ANO10: variants seen among roughly 807,000 people sequenced by gnomAD.
ANO10 encodes the protein anoctamin-10.
ANO10 carries 77 observed loss-of-function variants against 74.7 expected under a neutral mutation model. The ratio of observed to expected loss-of-function variants is 1.03; its 90% CI spans 0.86 to 1.25. The LOEUF (loss-of-function observed/expected upper bound fraction) is 1.25. ANO10 is among the 50% of genes most tolerant of loss of function. ANO10 has a pLI of 0.00. For synonymous variants in ANO10, 279 were observed against 284.9 expected (o/e 0.98, Z 0.21); for missense variants, 721 against 778.1 (o/e 0.93, Z 0.87).
intron 12 of ANO10, among the ~76,000 whole-genome samples, chr3:43,416,282 C>G (rs997153190): frequency 1.4e-4 from 21 of 152,310 alleles, no homozygotes; most frequent in Non-Finnish European, 2.2e-4. Flanking sequence ...ATCCTGAGAT[C>G]CATTTATTTT....
chr3:43,577,132 T>G lies in ANO10; in HGVS notation c.722A>C (p.Asp241Ala). 1 of 1,614,138 alleles carries G rather than the reference T, an allele frequency of 6.2e-7. No homozygotes were observed. The highest frequency in any genetic ancestry group is 8.5e-7 in the Non-Finnish European group (1 of 1,180,014). ...PYYLFVWEDY[D>A]KYVIFASFNL... ...GAACGAGGCAAAGATCACGTACTTG[T>G]CATAGTCTTCCCACACAAACAAGTA... Residue 241 changes from aspartate to alanine, a missense_variant, in exon 6 of 13, where the codon GAC becomes GCC. Asp to Ala is a moderately radical substitution (Grantham distance 126, BLOSUM62 -2). Transcript: ENST00000292246.
chr3:43,545,902 A>G (rs949797998), intron 11 of ANO10, among the ~76,000 whole-genome samples: 2 of 152,186 alleles, frequency 1.3e-5, no homozygotes, highest in Non-Finnish European at 2.9e-5. Flanking sequence ...ATGGTAGCAA[A>G]CCAAAAATTT....
chr3:43,376,760 T>A (rs964865638), intron 12 of ANO10, among the ~76,000 whole-genome samples: 1 of 152,250 alleles, frequency 6.6e-6, no homozygotes, highest in African/African-American at 2.4e-5. Flanking sequence ...AGTTTCTTTT[T>A]AAAATGACTT....
intron 1 of ANO10, chr3:43,691,276 C>G (rs1305709421): frequency 2.7e-6 from 1 of 374,180 alleles, no homozygotes. Context: ...GGACTCCGGC[C>G]GCGCCGGGAG....
intron 11 of ANO10, among the ~76,000 whole-genome samples, chr3:43,463,167 C>T (rs776123777): frequency 1.4e-4 from 21 of 152,126 alleles, no homozygotes; most frequent in Non-Finnish European, 2.4e-4. Flanking sequence ...CCACTGTCCC[C>T]CAGACCTGAG....
chr3:43,653,987 CT>C (rs2083818440), intron 1 of ANO10, among the ~76,000 whole-genome samples: 1 of 151,570 alleles, frequency 6.6e-6, no homozygotes, highest in African/African-American at 2.4e-5. Context: ...CTTGTCACAC[CT>C]GGATATGAGG....
At position 43,576,897 on chromosome 3, in the gene ANO10, C is replaced by T; in HGVS notation, c.957G>A (p.Leu319=). The T allele has an allele frequency of 6.2e-7, 1 of 1,614,164 alleles. No homozygotes were observed. The highest frequency in any genetic ancestry group is 8.5e-7 in the Non-Finnish European group (1 of 1,180,020). The change falls in exon 6 of 13, where the codon CTG becomes CTA. Residue 319 remains leucine, a synonymous_variant. Transcript: ENST00000292246. The part of the protein sequence containing the change: ...KRQLRIYLVS[L]PFVCLCLYFS... ...AATAGAGGCAGAGGCACACGAATGG[C>T]AGGGAGACCAGGTAAATGCGCAACT...
chr3:43,585,287 T>A (rs1239627093), intron 4 of ANO10, among the ~76,000 whole-genome samples: 1 of 151,980 alleles, frequency 6.6e-6, no homozygotes, highest in Non-Finnish European at 1.5e-5. Context: ...ATGACCATGA[T>A]CAAAATGATT....
intron 9 of ANO10, among the ~76,000 whole-genome samples, chr3:43,560,716 T>G (rs2079988834): frequency 6.6e-6 from 1 of 152,222 alleles, no homozygotes. Flanking sequence ...TTGTAGTTCC[T>G]AAAAGTAATT....
At chr3:43,676,818 T>C (rs2084128576) in intron 1 of ANO10, among the ~76,000 whole-genome samples, 2 of 151,854 alleles carry the variant, frequency 1.3e-5, no homozygotes, top group Non-Finnish European at 2.9e-5. Flanking sequence ...AAAAAAATCT[T>C]GAATTAAATT....
In ANO10 at chr3:43,668,717, G is replaced by C. The variant is rs544980876; in HGVS notation, c.-12+22800C>G. Among the ~76,000 whole-genome samples the C allele has an allele frequency of 2.6e-5, 4 of 152,108 alleles. No individual in the cohort carries two copies. In the East Asian group the frequency reaches 7.7e-4, roughly 29 times the overall value. The stretch of plus-strand genomic sequence containing the variant: ...CCCAATTTGTGTTTTTGTATGCTTT[G>C]TTGAAGATCAGTTGGCTGTAAGTAT... On this transcript the variant is annotated intron_variant, in intron 1 of 3. Coordinates refer to the ANO10 transcript ENST00000413397.
chr3:43,536,995 C>CAA (rs5848666), intron 11 of ANO10, among the ~76,000 whole-genome samples: 2,034 of 78,258 alleles, frequency 0.026, 133 homozygotes, highest in African/African-American at 0.045. Context: ...TTTCATCACT[C>CAA]AAAAAAAAAA....
chr3:43,472,412 G>C (rs546226266), intron 11 of ANO10: 2 of 79,768 alleles, frequency 2.5e-5, no homozygotes, highest in East Asian at 4.6e-4. Context: ...ATGAAAAAAA[G>C]TCACTGATAT....
chr3:43,645,451 T>G (rs937789963), intron 1 of ANO10, among the ~76,000 whole-genome samples: 1 of 147,894 alleles, frequency 6.8e-6, no homozygotes, highest in African/African-American at 2.5e-5. Flanking sequence ...ATCGTGCCAC[T>G]GCACTCCAGC....
At chr3:43,468,352 G>A (rs2075716366) in intron 11 of ANO10, among the ~76,000 whole-genome samples, 1 of 152,114 alleles carries the variant, frequency 6.6e-6, no homozygotes, top group Non-Finnish European at 1.5e-5. Context: ...GCTTATCTCT[G>A]ACCCAAAACA....
chr3:43,496,436 T>C (rs1039150707), intron 11 of ANO10, among the ~76,000 whole-genome samples: 2 of 151,932 alleles, frequency 1.3e-5, no homozygotes, highest in Non-Finnish European at 2.9e-5. Context: ...TTAAGAACAA[T>C]TCTATTCTTT....
chr3:43,449,207 GT>G (rs575668346), intron 11 of ANO10, among the ~76,000 whole-genome samples: 2 of 151,736 alleles, frequency 1.3e-5, no homozygotes, highest in African/African-American at 2.4e-5. Context: ...AGTTTCAAGA[GT>G]TTTTTTTGTA....
intron 11 of ANO10, among the ~76,000 whole-genome samples, chr3:43,462,316 G>A (rs1193235280): frequency 3.9e-5 from 6 of 152,072 alleles, no homozygotes; most frequent in African/African-American, 1.2e-4. Flanking sequence ...TGCAACCTCC[G>A]CCTCCCAGGT....
In ANO10 at chr3:43,366,888, G is replaced by C. The variant is rs1251194427; in HGVS notation, c.*18C>G. On this transcript the variant is annotated 3_prime_UTR_variant, in exon 13 of 13. Coordinates refer to ENST00000292246, the MANE Select transcript of ANO10 (RefSeq NM_018075.5). ...GACACAGGCCTCTGCCAACAGGGCA[G>C]CTGGGCACGCTGGGCACTCAGGTTG... The C allele has an allele frequency of 5.1e-6, 8 of 1,570,974 alleles. No homozygotes were observed. The highest frequency in any genetic ancestry group is 6.0e-6 in the Non-Finnish European group (7 of 1,158,640).
Sources: gnomAD v4.1 joint callset for allele counts (sites outside exome capture counted in the v4.1 genomes callset) on GRCh38, gnomAD v4.1.1 for gene constraint, MANE v1.5 for transcripts, NCBI Gene and HGNC (gene_info 2026-07-23, HGNC 2026-07-21) for gene names.